Variants in ZAP70 observed in about 807,000 individuals in gnomAD.
ZAP70 encodes the protein zeta chain of T cell receptor associated protein kinase 70.
A neutral mutation model predicts 65.8 loss-of-function variants in ZAP70; 27 were observed. The observed-to-expected ratio is 0.41, with a 90% confidence interval of 0.30 to 0.57. ZAP70 has a LOEUF of 0.57. ZAP70 is among the 20% of genes least tolerant of loss of function. The pLI, the probability that ZAP70 is intolerant of heterozygous loss-of-function variation, is 0.28. For synonymous variants in ZAP70, 363 were observed against 360.8 expected (o/e 1.01, Z -0.07); for missense variants, 696 against 870.5 (o/e 0.80, Z 2.52).
chr2:97,755,187 T>C, the ZAP70 span, among the ~76,000 whole-genome samples: 2 of 152,184 alleles, frequency 1.3e-5, no homozygotes, highest in African/African-American at 4.8e-5. Flanking sequence ...ACCGATGCGT[T>C]GTGGCGTACC....
intron 13 of ZAP70, among the ~76,000 whole-genome samples, chr2:97,738,986 C>A (rs1004109694): frequency 6.6e-6 from 1 of 152,192 alleles, no homozygotes; most frequent in Non-Finnish European, 1.5e-5. Context: ...CACTCCCTCT[C>A]ATCTAAGCCC....
intron 13 of ZAP70, 38 bp from the exon 14 acceptor site, chr2:97,739,337 G>A: frequency 6.2e-7 from 1 of 1,611,522 alleles, no homozygotes; most frequent in South Asian, 1.1e-5. Context: ...GGTCCTGGGG[G>A]CGTGGTCAGC....
rs557218219 is a variant in ZAP70 at position 97,738,648 on chromosome 2, C to G, written c.1736+541C>G. Reference sequence around the variant, plus strand: ...AGACAACAGGCAACACACCCCCAGACAAGCGGACGCCCTAGACTGCCCATG... The same window carrying G: ...AGACAACAGGCAACACACCCCCAGAGAAGCGGACGCCCTAGACTGCCCATG... On this transcript the variant is annotated intron_variant, in intron 13 of 13. Transcript: ENST00000264972. 23 of 205,796 alleles carry G rather than the reference C, an allele frequency of 1.1e-4. No individual in the cohort carries two copies. In the South Asian group the frequency reaches 1.7e-3, roughly 15 times the overall value. The allele number at this position is 205,796 out of a possible 1,614,324, so 12.7% of individuals were successfully genotyped here.
intron 2 of ZAP70, among the ~76,000 whole-genome samples, chr2:97,718,030 T>C (rs1677008178): frequency 6.6e-6 from 1 of 152,222 alleles, no homozygotes; most frequent in Non-Finnish European, 1.5e-5. Context: ...ATCTCTGAAC[T>C]GTGAGCTCAA....
chr2:97,722,017 T>TCA (rs1677181676), intron 2 of ZAP70, among the ~76,000 whole-genome samples: 2 of 152,148 alleles, frequency 1.3e-5, no homozygotes, highest in East Asian at 3.9e-4. Context: ...ATGCCTGACC[T>TCA]TGTGATCCAC....
chr2:97,725,101 C>T lies in ZAP70; in HGVS notation c.412C>T (p.Leu138=), dbSNP rs1677330877. The change falls in exon 4 of 14, where the codon CTG becomes TTG. Residue 138 remains leucine (L), a synonymous_variant. Coordinates refer to ENST00000264972, the MANE Select transcript of ZAP70 (RefSeq NM_001079.4). ...GCCTCTCCTTTTCTAGGGCGAGGCC[C>T]TGGAGCAGGCCATCATCAGCCAGGC... The part of the protein sequence containing the change: ...RQTWKLEGEA[L]EQAIISQAPQ... 1 of 1,613,980 alleles carries T rather than the reference C, an allele frequency of 6.2e-7. No individual in the cohort carries two copies. Among genetic ancestry groups the T allele is most frequent in the African/African-American group, 1.3e-5 (1 of 74,924 alleles).
At chr2:97,735,793 C>T (rs1476038687) in intron 10 of ZAP70, among the ~76,000 whole-genome samples, 1 of 152,164 alleles carries the variant, frequency 6.6e-6, no homozygotes, top group Admixed American at 6.5e-5. Flanking sequence ...GCGGGTGGAT[C>T]ATGAGGTCAA....
chr2:97,733,272 C>G, intron 6 of ZAP70, 25 bp from the exon 7 acceptor site: 1 of 1,608,634 alleles, frequency 6.2e-7, no homozygotes, highest in Non-Finnish European at 8.5e-7. Flanking sequence ...GCCCCCAGCC[C>G]TCACTGTCCC....
chr2:97,740,350 T>C (rs950700993), downstream of ZAP70, among the ~76,000 whole-genome samples: 5 of 152,252 alleles, frequency 3.3e-5, no homozygotes, highest in Admixed American at 3.3e-4. Flanking sequence ...AAATTAATTG[T>C]TTTAAAAGCT....
rs2104660624 is a variant in ZAP70, at chr2:97,724,001, T to C, written c.-21-15T>C. On this transcript the variant is annotated splice_polypyrimidine_tract_variant and intron_variant, in intron 2 of 13. Transcript: ENST00000264972. ...GAAGGCCCTGACGTGCCTCCGACCCTCTGTGAACCCGCAGGTTTCGGGAGG... is the reference window on the plus strand; with the variant it reads ...GAAGGCCCTGACGTGCCTCCGACCCCCTGTGAACCCGCAGGTTTCGGGAGG... The C allele has an allele frequency of 6.5e-7, 1 of 1,538,862 alleles. No individual in the cohort carries two copies. Among genetic ancestry groups the C allele is most frequent in the East Asian group, 2.4e-5 (1 of 41,206 alleles).
At chr2:97,734,734 TG>T (rs1416906435) in intron 9 of ZAP70, 22 bp downstream of exon 9, 3 of 1,612,184 alleles carry the variant, frequency 1.9e-6, no homozygotes, top group Non-Finnish European at 1.7e-6. Flanking sequence ...CCTGCCGTGG[TG>T]GGAGCACCGC....
chr2:97,728,898 G>A (rs994312143), intron 4 of ZAP70, among the ~76,000 whole-genome samples: 3 of 152,316 alleles, frequency 2.0e-5, no homozygotes, highest in South Asian at 4.1e-4. Context: ...GACTATAGGC[G>A]TGCACCACCA....
At chr2:97,744,224 T>C (rs571215321), downstream of ZAP70, among the ~76,000 whole-genome samples, 2 of 152,170 alleles carry the variant, frequency 1.3e-5, no homozygotes, top group Non-Finnish European at 2.9e-5. Flanking sequence ...CTCTGACTCA[T>C]TGCTAGCTCT....
At chr2:97,740,525 T>C (rs78177273), downstream of ZAP70, among the ~76,000 whole-genome samples, 4 of 152,356 alleles carry the variant, frequency 2.6e-5, no homozygotes, top group East Asian at 7.7e-4. Context: ...CTTTTGGTCA[T>C]CATTATGTTT....
Position 97,739,717 on chromosome 2 carries a change from C to A in ZAP70, c.*219C>A. The A allele has an allele frequency of 1.4e-6, 1 of 697,184 alleles. No homozygotes were observed. The highest frequency in any genetic ancestry group is 2.3e-6 in the Non-Finnish European group (1 of 428,624). 43.2% of individuals were successfully genotyped at this position (697,184 alleles called of 1,614,324 possible). ...GTCCGGGAGGGTGCGGCTGTGCAGC[C>A]TGTCCTGGGCTGGTGGCTCCCGGAG... On this transcript the variant is annotated 3_prime_UTR_variant, in exon 14 of 14. Transcript: ENST00000264972.
downstream of ZAP70, among the ~76,000 whole-genome samples, chr2:97,742,490 C>T (rs1411608445): frequency 1.3e-5 from 2 of 152,246 alleles, no homozygotes; most frequent in Non-Finnish European, 2.9e-5. Context: ...AGGCCAAGGG[C>T]GTAGGCTGCC....
intron 2 of ZAP70, among the ~76,000 whole-genome samples, chr2:97,717,434 G>C (rs932109186): frequency 1.3e-5 from 2 of 148,394 alleles, no homozygotes; most frequent in Non-Finnish European, 3.0e-5. Flanking sequence ...GGGGTGACAT[G>C]TGGAGCCTCT....
chr2:97,724,819 C>T lies in ZAP70; in HGVS notation c.403-273C>T, dbSNP rs781561258. On this transcript the variant is annotated intron_variant, in intron 3 of 13. Coordinates refer to ENST00000264972, the MANE Select transcript of ZAP70 (RefSeq NM_001079.4). ...AAGATGGGCAGTAGTCGTCCACAGC[C>T]TGAGTGACACCACCATGCACAACTA... The T allele has an allele frequency of 8.6e-6, 13 of 1,514,810 alleles. 1 individual carries two copies. In the South Asian group the frequency reaches 1.2e-4, roughly 14 times the overall value. 93.8% of individuals were successfully genotyped at this position (1,514,810 alleles called of 1,614,324 possible). A position where few individuals can be genotyped will look rare whatever the true frequency, so the allele number is the denominator to read the frequency against.
intron 4 of ZAP70, among the ~76,000 whole-genome samples, chr2:97,730,431 C>T (rs1405706943): frequency 2.0e-5 from 3 of 152,144 alleles, no homozygotes; most frequent in Non-Finnish European, 4.4e-5. Context: ...GGCTATTGGC[C>T]ACTCATGTAG....
Sources: gnomAD v4.1 joint callset for allele counts (sites outside exome capture counted in the v4.1 genomes callset) on GRCh38, gnomAD v4.1.1 for gene constraint, MANE v1.5 for transcripts, NCBI Gene and HGNC (gene_info 2026-07-23, HGNC 2026-07-21) for gene names.